Variants in ABCC1 observed in about 807,000 individuals in gnomAD.
The protein encoded by ABCC1 is multidrug resistance-associated protein 1.
In ABCC1, 83 loss-of-function variants were observed where a neutral mutation model predicts 172.9. That is an observed-to-expected ratio of 0.48 (90% confidence interval 0.40 to 0.58). The LOEUF (loss-of-function observed/expected upper bound fraction) is 0.58, where lower values mean the gene tolerates loss of function less well. Among genes scored for constraint, ABCC1 ranks in the 20% least tolerant of loss-of-function variants. ABCC1 has a pLI of 0.00. For synonymous variants in ABCC1, 937 were observed against 825.2 expected, an observed-to-expected ratio of 1.14 and a Z score of -2.32; for missense variants, 1,817 against 2,002.7, an observed-to-expected ratio of 0.91 and a Z score of 1.77.
At chr16:16,041,582 G>C (rs1215841834) in intron 7 of ABCC1, among the ~76,000 whole-genome samples, 1 of 152,168 alleles carries the variant, frequency 6.6e-6, no homozygotes, top group Non-Finnish European at 1.5e-5. Flanking sequence ...AACCTGGAGA[G>C]AGTGAGAAGG....
chr16:16,076,163 TTTC>T (rs2050556946), intron 14 of ABCC1, 160 bp from the exon 15 acceptor site: 3 of 664,720 alleles, frequency 4.5e-6, no homozygotes, highest in Non-Finnish European at 7.6e-6. Flanking sequence ...GCAGGTTGAG[TTTC>T]TTCTTTCAGA....
rs191055461 is a variant in ABCC1, at chr16:16,072,011, G to A, written c.1912+282G>A. 2.2e-4 allele frequency among the ~76,000 whole-genome samples: 33 copies of A among 152,220 alleles called. No homozygotes were observed. In the East Asian group the frequency reaches 4.1e-3, roughly 19 times the overall value. On this transcript the variant is annotated intron_variant, in intron 14 of 30. Coordinates refer to ENST00000399410, the MANE Select transcript of ABCC1 (RefSeq NM_004996.4). ...GTCAGCAGCTGCTTGAGGCTTCCCC[G>A]TGGGAGTCACTTTCCAAGGCTTTGA...
intron 6 of ABCC1, 126 bp from the exon 7 acceptor site, chr16:16,036,346 T>C: frequency 1.2e-6 from 1 of 832,542 alleles, no homozygotes; most frequent in South Asian, 2.1e-5. Context: ...CTGCCTTCAT[T>C]TGCAGCGGGC....
At chr16:16,020,337 C>T (rs1241788455) in intron 5 of ABCC1, among the ~76,000 whole-genome samples, 1 of 152,194 alleles carries the variant, frequency 6.6e-6, no homozygotes, top group Non-Finnish European at 1.5e-5. Context: ...TTGGCTGACA[C>T]TCTCTGTCCA....
intron 22 of ABCC1, 70 bp from the exon 23 acceptor site, chr16:16,114,696 C>A: frequency 6.9e-7 from 1 of 1,453,308 alleles, no homozygotes; most frequent in South Asian, 1.3e-5. Context: ...GTCCACATGG[C>A]CACTCCTCCC....
At chr16:16,009,986 AG>A in intron 3 of ABCC1, 85 bp downstream of exon 3, 1 of 978,268 alleles carries the variant, frequency 1.0e-6, no homozygotes, top group Non-Finnish European at 1.3e-6. Flanking sequence ...CTAGAATCAT[AG>A]TTTTTTAAGG....
chr16:16,096,161 A>G (rs1333736482), intron 19 of ABCC1, among the ~76,000 whole-genome samples: 1 of 151,920 alleles, frequency 6.6e-6, no homozygotes, highest in East Asian at 1.9e-4. Flanking sequence ...TCCGGGGGGC[A>G]GAGCTTGCAG....
At chr16:16,138,883 T>C (rs1403273774) in intron 30 of ABCC1, among the ~76,000 whole-genome samples, 1 of 152,140 alleles carries the variant, frequency 6.6e-6, no homozygotes, top group African/African-American at 2.4e-5. Context: ...CTAACTTTTA[T>C]ATTTTTAGTA....
intron 15 of ABCC1, among the ~76,000 whole-genome samples, chr16:16,077,341 T>A (rs1314642023): frequency 1.3e-5 from 2 of 152,194 alleles, no homozygotes; most frequent in Non-Finnish European, 2.9e-5. Flanking sequence ...CTTAGGAAGT[T>A]CTTCCTTATG....
chr16:16,004,008 G>GTGGA (rs1203263278), intron 1 of ABCC1, among the ~76,000 whole-genome samples: 12 of 59,738 alleles, frequency 2.0e-4, no homozygotes, highest in African/African-American at 5.3e-4. Flanking sequence ...TGGTGGGTGG[G>GTGGA]TGGATGGATG....
intron 4 of ABCC1, 150 bp downstream of exon 4, chr16:16,014,778 A>T (rs2047932795): frequency 1.1e-6 from 1 of 884,606 alleles, no homozygotes; most frequent in African/African-American, 1.7e-5. Context: ...TGACTTTCCT[A>T]CCCCACCAAA....
rs180885831 is a variant in ABCC1 at position 15,955,699 on chromosome 16, C to T, written c.48+5900C>T. ...TCACCTCAGGCATCCCGTTCTTTCCCTCCACTAGCAAATCTCTGTCCCCCA... is the reference window on the plus strand; with the variant it reads ...TCACCTCAGGCATCCCGTTCTTTCCTTCCACTAGCAAATCTCTGTCCCCCA... On this transcript the variant is annotated intron_variant, in intron 1 of 30. Transcript: ENST00000399410. 3.3e-3 allele frequency among the ~76,000 whole-genome samples: 506 copies of T among 151,972 alleles called. 2 individuals carry two copies. Among genetic ancestry groups the T allele is most frequent in the African/African-American group, 0.01 (426 of 41,392 alleles).
At position 16,016,440 on chromosome 16, in the gene ABCC1, C is replaced by T. The variant is rs562778751; in HGVS notation, c.490-56C>T. 14 of 1,605,974 alleles carry T rather than the reference C, an allele frequency of 8.7e-6. No individual in the cohort carries two copies. The East Asian group carries it at 2.5e-4, about 28-fold the overall frequency. ...AAGTGCTAGGATTACAGGCGTGAGCCACCACACCCAGCCCCAGAATGTGAT... is the reference window on the plus strand; with the variant it reads ...AAGTGCTAGGATTACAGGCGTGAGCTACCACACCCAGCCCCAGAATGTGAT... On this transcript the variant is annotated intron_variant, in intron 4 of 30. Coordinates refer to ENST00000399410, the MANE Select transcript of ABCC1 (RefSeq NM_004996.4).
At chr16:16,096,202 C>G (rs2051471227) in intron 19 of ABCC1, among the ~76,000 whole-genome samples, 1 of 151,348 alleles carries the variant, frequency 6.6e-6, no homozygotes, top group Non-Finnish European at 1.5e-5. Flanking sequence ...GCACTCTAGC[C>G]TGGGTAACAG....
intron 1 of ABCC1, among the ~76,000 whole-genome samples, chr16:16,003,205 A>G (rs112568304): frequency 8.5e-3 from 907 of 106,778 alleles, no homozygotes; most frequent in Middle Eastern, 0.045. Flanking sequence ...GGGTGGATGG[A>G]TGAATTGGTG....
chr16:16,018,560 AAAG>A (rs1218305330), intron 5 of ABCC1, among the ~76,000 whole-genome samples: 1 of 152,062 alleles, frequency 6.6e-6, no homozygotes, highest in African/African-American at 2.4e-5. Context: ...AAAAAAGAAA[AAAG>A]AAATGCATGT....
chr16:16,034,322 C>T (rs999898996), intron 6 of ABCC1, among the ~76,000 whole-genome samples: 7 of 152,080 alleles, frequency 4.6e-5, no homozygotes, highest in Admixed American at 1.3e-4. Context: ...CCACCATGCC[C>T]GGTCTCATCC....
intron 12 of ABCC1, among the ~76,000 whole-genome samples, chr16:16,062,735 C>T (rs1411679757): frequency 6.6e-6 from 1 of 152,154 alleles, no homozygotes; most frequent in African/African-American, 2.4e-5. Context: ...CACTGGTGTG[C>T]ATTCCTGTGC....
chr16:16,106,943 T>C (rs2052148482), intron 21 of ABCC1, 70 bp downstream of exon 21: 1 of 1,594,120 alleles, frequency 6.3e-7, no homozygotes, highest in Non-Finnish European at 8.6e-7. Flanking sequence ...CTGGGCACTG[T>C]GCAAAGTGCC....
Sources: allele counts gnomAD v4.1 joint callset (sites outside exome capture counted in the v4.1 genomes callset), GRCh38; gene constraint gnomAD v4.1.1; transcripts MANE v1.5; gene names NCBI Gene and HGNC (gene_info 2026-07-23, HGNC 2026-07-21).